The following SLC6A20 variants were observed in gnomAD, a reference collection of about 807,000 sequenced individuals.
The protein encoded by SLC6A20 is solute carrier family 6 member 20, also known as sodium- and chloride-dependent transporter XTRP3.
Under a neutral mutation model 64.3 loss-of-function variants are expected in SLC6A20, and 73 were observed. That is an observed-to-expected ratio of 1.14 (90% CI 0.94 to 1.38). SLC6A20 has a LOEUF of 1.38. Ranked by LOEUF, SLC6A20 falls within the 40% of genes most tolerant of loss-of-function variation. The probability of loss-of-function intolerance (pLI) is 0.00; values close to 1 mark genes in which losing one functional copy is unlikely to be tolerated. For missense variants in SLC6A20, 725 were observed against 772.8 expected, an observed-to-expected ratio of 0.94 and a Z score of 0.73; for synonymous variants, 347 against 329.6, an observed-to-expected ratio of 1.05 and a Z score of -0.57.
intron 1 of SLC6A20, among the ~76,000 whole-genome samples, chr3:45,792,246 C>T (rs190558782): frequency 2.6e-5 from 4 of 152,264 alleles, no homozygotes; most frequent in African/African-American, 9.6e-5. Context: ...AAGGCCTGGA[C>T]ACCTGAGGAG....
At chr3:45,760,740 G>A (rs1395800193) in intron 9 of SLC6A20, among the ~76,000 whole-genome samples, 2 of 152,218 alleles carry the variant, frequency 1.3e-5, no homozygotes, top group East Asian at 1.9e-4. Context: ...AACTAAGTAC[G>A]TGTGTTTTTG....
rs140307941 is a variant in SLC6A20 at position 45,782,221 on chromosome 3, T to G, written c.124A>C (p.Ser42Arg). The change falls in exon 2 of 11, where the codon AGT (serine) becomes CGT (arginine). Residue 42 changes from serine to arginine, a missense_variant and splice_region_variant. Physicochemically the swap from Ser to Arg is moderately radical, Grantham distance 110 (BLOSUM62 -1). Transcript: ENST00000358525. ...ATGATGATGTAGGGGACCAGGAAACTACCTGTGGATGTCCAGAGCTGAGAG... is the reference window on the plus strand; with the variant it reads ...ATGATGATGTAGGGGACCAGGAAACGACCTGTGGATGTCCAGAGCTGAGAG... ...PYLCQMYGGG[S>R]FLVPYIIMLI... is the part of the protein sequence containing the mutation. 3.5e-5 allele frequency: 57 copies of G among 1,611,740 alleles called. No individual in the cohort carries two copies. In the African/African-American group the frequency reaches 6.8e-4, roughly 19 times the overall value.
intron 5 of SLC6A20, chr3:45,771,735 C>T (rs746241501): frequency 1.3e-4 from 68 of 538,176 alleles, no homozygotes; most frequent in Middle Eastern, 1.0e-3. Context: ...TCCATAGCAC[C>T]TCAGCCATAG....
Position 45,759,993 on chromosome 3 carries a change from C to A in SLC6A20, c.1493G>T (p.Gly498Val). Residue 498 changes from glycine to valine, a missense_variant, in exon 10 of 11, where the codon GGC (glycine) becomes GTC (valine). Physicochemically the swap from Gly to Val is moderately radical, Grantham distance 109. Transcript: ENST00000358525. ...RFESDLKAMT[G>V]RAVSWYWKVM... Reference sequence around the variant, plus strand: ...CTTCCAGTACCAGCTCACAGCTCGGCCGGTCATGGCCTTAAGGTCACTTTC... The same window carrying A: ...CTTCCAGTACCAGCTCACAGCTCGGACGGTCATGGCCTTAAGGTCACTTTC... The A allele has an allele frequency of 6.2e-7, 1 of 1,612,994 alleles. No homozygotes were observed. Among genetic ancestry groups the A allele is most frequent in the Non-Finnish European group, 8.5e-7 (1 of 1,179,686 alleles).
intron 2 of SLC6A20, 74 bp from the exon 3 acceptor site, chr3:45,780,174 C>T (rs1230924735): frequency 6.9e-7 from 1 of 1,439,452 alleles, no homozygotes; most frequent in Non-Finnish European, 9.5e-7. Flanking sequence ...GCGTGTGCTC[C>T]CAGGACACAC....
Position 45,756,473 on chromosome 3 carries a change from C to G in SLC6A20, c.*2505G>C, listed in dbSNP as rs891829717. 6.6e-6 allele frequency: 1 copy of G among 152,168 alleles called. No individual in the cohort carries two copies. Among genetic ancestry groups the G allele is most frequent in the South Asian group, 2.1e-4 (1 of 4,828 alleles). The allele number at this position is 152,168 out of a possible 1,614,324, so 9.4% of individuals were successfully genotyped here. On this transcript the variant is annotated 3_prime_UTR_variant, in exon 11 of 11. Transcript: ENST00000358525. Reference sequence around the variant, plus strand: ...TCCATGGGGTACATGCTGGTTCATACATTTGAAAGTCAAATGTATGATAAC... The same window carrying G: ...TCCATGGGGTACATGCTGGTTCATAGATTTGAAAGTCAAATGTATGATAAC...
In SLC6A20 at chr3:45,793,491, T is replaced by G. The variant is rs531728260; in HGVS notation, c.121+2808A>C. Reference sequence around the variant, plus strand: ...TGAAGTTCTTTGAGCTGCCTTTTATTTTTTATTTTTCTAGAGCAGGCAGCC... The same window carrying G: ...TGAAGTTCTTTGAGCTGCCTTTTATGTTTTATTTTTCTAGAGCAGGCAGCC... On this transcript the variant is annotated intron_variant, in intron 1 of 10. Coordinates refer to ENST00000358525, the MANE Select transcript of SLC6A20 (RefSeq NM_020208.4). Among the ~76,000 whole-genome samples, 20 of 152,222 alleles carry G rather than the reference T, an allele frequency of 1.3e-4. No homozygotes were observed. The East Asian group carries it at 2.9e-3, about 22-fold the overall frequency.
rs984318294 is a variant in SLC6A20 at position 45,756,599 on chromosome 3, A to G, written c.*2379T>C. On this transcript the variant is annotated 3_prime_UTR_variant, in exon 11 of 11. Coordinates refer to ENST00000358525, the MANE Select transcript of SLC6A20 (RefSeq NM_020208.4). ...TGTAAGAGAATTTTACAGCACAAAA[A>G]TAAAAAGACATCTCCGGCCAACGTC... 2 of 152,182 alleles carry G rather than the reference A, an allele frequency of 1.3e-5. No homozygotes were observed. Among genetic ancestry groups the G allele is most frequent in the Non-Finnish European group, 2.9e-5 (2 of 68,034 alleles). The allele number at this position is 152,182 out of a possible 1,614,324, so 9.4% of individuals were successfully genotyped here. A position where few individuals can be genotyped will look rare whatever the true frequency, so the allele number is the denominator to read the frequency against.
At chr3:45,785,952 G>A (rs1700163351) in intron 1 of SLC6A20, among the ~76,000 whole-genome samples, 1 of 152,146 alleles carries the variant, frequency 6.6e-6, no homozygotes, top group South Asian at 2.1e-4. Context: ...TCCAGAGGAT[G>A]AGAGGCCACG....
rs1464476966 is a variant in SLC6A20 at position 45,765,587 on chromosome 3, A to G, written c.1253T>C (p.Leu418Pro). The G allele has an allele frequency of 6.2e-7, 1 of 1,614,112 alleles. No individual in the cohort carries two copies. The highest frequency in any genetic ancestry group is 1.3e-5 in the African/African-American group (1 of 75,012). The change falls in exon 8 of 11, where the codon CTG becomes CCG. Residue 418 changes from leucine (L) to proline (P), a missense_variant. Coordinates refer to ENST00000358525, the MANE Select transcript of SLC6A20 (RefSeq NM_020208.4). This position sits in a 1 kb window ranked among gnomAD's most constrained non-coding sequence, Gnocchi z 4.2. ...LGNTAAILTPLTDSKIISSHL... is the reference protein window; with the variant it reads ...LGNTAAILTPPTDSKIISSHL... Reference sequence around the variant, plus strand: ...GCTGGAGATGATCTTGCTGTCTGTCAGAGGGGTGAGGATGGCCGCTGTGTT... The same window carrying G: ...GCTGGAGATGATCTTGCTGTCTGTCGGAGGGGTGAGGATGGCCGCTGTGTT...
intron 3 of SLC6A20, among the ~76,000 whole-genome samples, chr3:45,778,930 G>A (rs1212109775): frequency 1.3e-5 from 2 of 152,184 alleles, no homozygotes; most frequent in East Asian, 3.8e-4. Context: ...CGTGCAATGG[G>A]GCAAGCTTGG....
intron 9 of SLC6A20, 49 bp downstream of exon 9, chr3:45,762,864 T>C (rs1364398715): frequency 6.2e-7 from 1 of 1,605,866 alleles, no homozygotes; most frequent in East Asian, 2.2e-5. Flanking sequence ...GGGCGTGGCC[T>C]CTGTGGCTGT....
At chr3:45,763,440 CAGCCCTGG>C (rs1699720895) in intron 8 of SLC6A20, among the ~76,000 whole-genome samples, 1 of 152,192 alleles carries the variant, frequency 6.6e-6, no homozygotes, top group Non-Finnish European at 1.5e-5. Context: ...CCCAACAACT[CAGCCCTGG>C]AGCTCATGAG....
chr3:45,761,230 C>T (rs1182700915), intron 9 of SLC6A20, among the ~76,000 whole-genome samples: 1 of 151,794 alleles, frequency 6.6e-6, no homozygotes, highest in East Asian at 1.9e-4. Flanking sequence ...ATAACCCCCC[C>T]CCCTTTCCTG....
intron 1 of SLC6A20, among the ~76,000 whole-genome samples, chr3:45,795,410 C>A (rs375755684): frequency 8.0e-4 from 121 of 152,152 alleles, no homozygotes; most frequent in Middle Eastern, 3.4e-3. Context: ...TGAACCAATC[C>A]CCTTTATTTG....
intron 8 of SLC6A20, among the ~76,000 whole-genome samples, chr3:45,764,471 G>A (rs561854815): frequency 4.5e-4 from 69 of 152,310 alleles, no homozygotes; most frequent in African/African-American, 9.9e-4. Flanking sequence ...GGGAGGCCAA[G>A]GCAGGCAGAT....
chr3:45,786,597 G>T (rs572342252), intron 1 of SLC6A20, among the ~76,000 whole-genome samples: 2 of 152,328 alleles, frequency 1.3e-5, no homozygotes, highest in East Asian at 3.9e-4. Context: ...GGATTTCTCT[G>T]CTGAGAGTTA....
At chr3:45,782,621 TTCCA>T (rs3051640) in intron 1 of SLC6A20, among the ~76,000 whole-genome samples, 20,635 of 144,532 alleles carry the variant, frequency 0.14, 1,826 homozygotes, top group Non-Finnish European at 0.19. Flanking sequence ...ATTTCCATAT[TTCCA>T]TCCATCCATC....
rs148817351 is a variant in SLC6A20, at chr3:45,777,207, G to A, written c.355-1219C>T. On this transcript the variant is annotated intron_variant, in intron 3 of 10. Transcript: ENST00000358525. ...TTCACAGGAGACAGAACCAAGGCCCGGGGTATCACCTAATGGGTCATGGCT... is the reference window on the plus strand; with the variant it reads ...TTCACAGGAGACAGAACCAAGGCCCAGGGTATCACCTAATGGGTCATGGCT... Among the ~76,000 whole-genome samples the A allele has an allele frequency of 1.3e-3, 198 of 152,270 alleles. 1 individual carries two copies. Among genetic ancestry groups the A allele is most frequent in the South Asian group, 2.7e-3 (13 of 4,824 alleles).
Sources: allele counts gnomAD v4.1 joint callset (sites outside exome capture counted in the v4.1 genomes callset), GRCh38; gene constraint gnomAD v4.1.1; non-coding constraint Gnocchi (gnomAD v3.1); transcripts MANE v1.5; gene names NCBI Gene and HGNC (gene_info 2026-07-23, HGNC 2026-07-21).